The following USP37 variants were observed in gnomAD, a reference collection of about 807,000 sequenced individuals.
The protein encoded by USP37 is ubiquitin carboxyl-terminal hydrolase 37.
A neutral mutation model predicts 124.0 loss-of-function variants in USP37; 27 were observed. That is an observed-to-expected ratio of 0.22 (90% confidence interval 0.16 to 0.30). USP37 has a LOEUF of 0.30. Among genes scored for constraint, USP37 ranks in the 10% least tolerant of loss-of-function variants. The pLI is 1.00. For missense variants in USP37, 889 were observed against 1,140.4 expected (o/e 0.78, Z 3.17); for synonymous variants, 365 against 388.0 (o/e 0.94, Z 0.70).
At chr2:218,460,241 A>G (rs1365667559) in intron 22 of USP37, among the ~76,000 whole-genome samples, 1 of 151,644 alleles carries the variant, frequency 6.6e-6, no homozygotes, top group Non-Finnish European at 1.5e-5. Context: ...CTGGGCAACA[A>G]GAGCAAAACT....
At chr2:218,475,294 T>C (rs1690908583) in intron 19 of USP37, among the ~76,000 whole-genome samples, 1 of 152,138 alleles carries the variant, frequency 6.6e-6, no homozygotes, top group Non-Finnish European at 1.5e-5. Context: ...TTATTAACAA[T>C]AAATGAGAAA....
rs997103374 is a variant in USP37, at chr2:218,452,005, A to G, written c.*2925T>C. ...CCTACGAAACAGTCTATCTTCTCATAGGCTTAAATTATAGTCATGGCTATT... is the reference window on the plus strand; with the variant it reads ...CCTACGAAACAGTCTATCTTCTCATGGGCTTAAATTATAGTCATGGCTATT... On this transcript the variant is annotated 3_prime_UTR_variant, in exon 26 of 26. Coordinates refer to ENST00000258399, the MANE Select transcript of USP37 (RefSeq NM_020935.3). The G allele has an allele frequency of 6.6e-6, 1 of 152,640 alleles. No individual in the cohort carries two copies. Among genetic ancestry groups the G allele is most frequent in the African/African-American group, 2.4e-5 (1 of 41,452 alleles). 9.5% of individuals were successfully genotyped at this position (152,640 alleles called of 1,614,324 possible). A position where few individuals can be genotyped will look rare whatever the true frequency, so the allele number is the denominator to read the frequency against.
At chr2:218,475,827 G>A (rs997627736) in intron 19 of USP37, among the ~76,000 whole-genome samples, 5 of 152,000 alleles carry the variant, frequency 3.3e-5, no homozygotes, top group Non-Finnish European at 5.9e-5. Flanking sequence ...TCAGGAGGCT[G>A]AGGCAGGAGA....
intron 10 of USP37, among the ~76,000 whole-genome samples, chr2:218,511,603 C>T (rs1446989808): frequency 1.3e-5 from 2 of 151,174 alleles, no homozygotes; most frequent in Non-Finnish European, 3.0e-5. Flanking sequence ...AGCCACCATG[C>T]CCAGCCTAAT....
intron 20 of USP37, among the ~76,000 whole-genome samples, chr2:218,470,440 T>C (rs187569039): frequency 1.3e-5 from 2 of 152,344 alleles, no homozygotes; most frequent in African/African-American, 4.8e-5. Context: ...ACTGTTTTTT[T>C]CTAACTTCTG....
intron 20 of USP37, among the ~76,000 whole-genome samples, chr2:218,469,544 C>T (rs1256807244): frequency 5.3e-5 from 8 of 152,024 alleles, no homozygotes; most frequent in South Asian, 2.1e-4. Context: ...AATAATTTTT[C>T]TTAACCAATA....
At chr2:218,544,623 G>A (rs962068241) in intron 8 of USP37, among the ~76,000 whole-genome samples, 2 of 151,876 alleles carry the variant, frequency 1.3e-5, no homozygotes, top group African/African-American at 4.8e-5. Context: ...TCTGCCAGAG[G>A]GCAAAGCCAG....
At chr2:218,465,247 T>C (rs907427971) in intron 21 of USP37, among the ~76,000 whole-genome samples, 1 of 152,064 alleles carries the variant, frequency 6.6e-6, no homozygotes, top group African/African-American at 2.4e-5. Flanking sequence ...AAAATCATGG[T>C]GTTATACTGG....
Position 218,451,967 on chromosome 2 carries a change from A to T in USP37, c.*2963T>A, listed in dbSNP as rs1043135939. ...ACAAAACTCATGAGTGTGCACACACATGTGAATATATCCCTACGAAACAGT... is the reference window on the plus strand; with the variant it reads ...ACAAAACTCATGAGTGTGCACACACTTGTGAATATATCCCTACGAAACAGT... On this transcript the variant is annotated 3_prime_UTR_variant, in exon 26 of 26. Transcript: ENST00000258399. 1 of 152,678 alleles carries T rather than the reference A, an allele frequency of 6.5e-6. No homozygotes were observed. The highest frequency in any genetic ancestry group is 1.5e-5 in the Non-Finnish European group (1 of 68,042). 9.5% of individuals were successfully genotyped at this position (152,678 alleles called of 1,614,324 possible).
chr2:218,496,302 GA>G (rs890632581), intron 13 of USP37, among the ~76,000 whole-genome samples: 52 of 146,092 alleles, frequency 3.6e-4, no homozygotes, highest in Non-Finnish European at 6.6e-4. Flanking sequence ...CAAAAGAAAA[GA>G]AAAAAAAACC....
chr2:218,562,743 G>T lies in USP37; in HGVS notation c.-159C>A. The T allele has an allele frequency of 2.5e-6, 1 of 398,550 alleles. No homozygotes were observed. Among genetic ancestry groups the T allele is most frequent in the Middle Eastern group, 6.3e-4 (1 of 1,588 alleles). 24.7% of individuals were successfully genotyped at this position (398,550 alleles called of 1,614,324 possible). ...CTTTATTCTGATCCTTGTGCCAAAG[G>T]CAAAGCACTCTTCTTGGGACACTAC... On this transcript the variant is annotated 5_prime_UTR_variant, in exon 2 of 26. The change creates a premature stop within an existing upstream ORF in the 5' untranslated region. Coordinates refer to ENST00000258399, the MANE Select transcript of USP37 (RefSeq NM_020935.3).
chr2:218,515,560 A>C (rs1690232941), intron 10 of USP37, among the ~76,000 whole-genome samples: 1 of 152,252 alleles, frequency 6.6e-6, no homozygotes, highest in Non-Finnish European at 1.5e-5. Flanking sequence ...GATGGATTAA[A>C]CACTTAAACG....
chr2:218,455,507 A>T (rs1689646848), intron 25 of USP37, 73 bp downstream of exon 25: 2 of 1,400,482 alleles, frequency 1.4e-6, no homozygotes, highest in South Asian at 2.7e-5. Context: ...TTTATCCTCA[A>T]AGGAAAAAAA....
chr2:218,477,158 G>A (rs1329528935), intron 18 of USP37, among the ~76,000 whole-genome samples, 177 bp from the exon 19 acceptor site: 1 of 152,214 alleles, frequency 6.6e-6, no homozygotes, highest in Non-Finnish European at 1.5e-5. Context: ...AAAGAGCCAT[G>A]CTTTGAAAAC....
Position 218,549,893 on chromosome 2 carries a change from C to T in USP37, c.345G>A (p.Gln115=). 1 of 1,605,444 alleles carries T rather than the reference C, an allele frequency of 6.2e-7. No homozygotes were observed. Among genetic ancestry groups the T allele is most frequent in the Non-Finnish European group, 8.5e-7 (1 of 1,176,254 alleles). The part of the protein sequence containing the change: ...NRLPAAMKPS[Q]GSGSFGAILG... The stretch of plus-strand genomic sequence containing the variant: ...GAATGGCTCCAAAACTACCAGACCC[C>T]TGAGACGGTTTCATGGCTGGTGACC... The change falls in exon 6 of 26, where the codon CAG becomes CAA. Residue 115 remains glutamine (Q), a synonymous_variant. Coordinates refer to ENST00000258399, the MANE Select transcript of USP37 (RefSeq NM_020935.3).
At chr2:218,491,315 T>C (rs762652791) in intron 14 of USP37, among the ~76,000 whole-genome samples, 2 of 152,206 alleles carry the variant, frequency 1.3e-5, no homozygotes, top group African/African-American at 2.4e-5. Context: ...CAAGGATCTA[T>C]AGGCAGCCTT....
intron 20 of USP37, among the ~76,000 whole-genome samples, chr2:218,466,694 T>C (rs1690344811): frequency 6.6e-6 from 1 of 152,252 alleles, no homozygotes; most frequent in South Asian, 2.1e-4. Context: ...GAAGTAAGAA[T>C]TAGGCCAAAA....
chr2:218,553,963 C>T (rs1167061829), intron 4 of USP37, among the ~76,000 whole-genome samples: 1 of 151,858 alleles, frequency 6.6e-6, no homozygotes, highest in South Asian at 2.1e-4. Context: ...GATCTTGCAC[C>T]AAGGGTAATA....
chr2:218,526,644 T>C (rs1489439644), intron 10 of USP37, among the ~76,000 whole-genome samples: 3 of 152,174 alleles, frequency 2.0e-5, no homozygotes, highest in African/African-American at 2.4e-5. Context: ...GGCTTTTCGA[T>C]GTGAGGACTT....
Sources: allele counts gnomAD v4.1 joint callset (sites outside exome capture counted in the v4.1 genomes callset), GRCh38; gene constraint gnomAD v4.1.1; transcripts MANE v1.5; gene names NCBI Gene and HGNC (gene_info 2026-07-23, HGNC 2026-07-21).